Variants in SSBP4 observed in about 807,000 individuals in gnomAD.
SSBP4 encodes the protein single-stranded DNA-binding protein 4.
SSBP4 carries 33 observed loss-of-function variants against 64.6 expected under a neutral mutation model. That is an observed-to-expected ratio of 0.51 (90% CI 0.39 to 0.68). The LOEUF is 0.68. SSBP4 is among the 30% of genes least tolerant of loss of function. The pLI is 0.00. For synonymous variants in SSBP4, 243 were observed against 224.0 expected, an observed-to-expected ratio of 1.08 and a Z score of -0.76; for missense variants, 583 against 566.8, an observed-to-expected ratio of 1.03 and a Z score of -0.29.
intron 1 of SSBP4, among the ~76,000 whole-genome samples, chr19:18,424,006 G>A (rs539883180): frequency 2.5e-3 from 378 of 152,304 alleles, no homozygotes; most frequent in Non-Finnish European, 4.7e-3. Context: ...GGAGGACCTT[G>A]TAGGTCCCAA....
At chr19:18,409,683 T>A in the SSBP4 span, among the ~76,000 whole-genome samples, 1 of 152,056 alleles carries the variant, frequency 6.6e-6, no homozygotes, top group Non-Finnish European at 1.5e-5. Flanking sequence ...CACATCCAGC[T>A]AATTTTTTAT....
At position 18,433,594 on chromosome 19, in the gene SSBP4, A is replaced by C; in HGVS notation, c.1001A>C (p.Asp334Ala). 1 of 1,517,138 alleles carries C rather than the reference A, an allele frequency of 6.6e-7. No homozygotes were observed. The highest frequency in any genetic ancestry group is 8.8e-7 in the Non-Finnish European group (1 of 1,131,894). 94.0% of individuals were successfully genotyped at this position (1,517,138 alleles called of 1,614,324 possible). Reference protein sequence around the residue: ...HHVNGSLGSGDMDGLPKSSPG... With the variant: ...HHVNGSLGSGAMDGLPKSSPG... ...CTGTCCGTGTCTGTAGGCTCGGGCG[A>C]CATGGACGGGTTGCCGAAGGTAAGG... is the stretch of plus-strand genomic sequence containing the variant. The change falls in exon 16 of 18, where the codon GAC becomes GCC. Residue 334 changes from aspartate (D) to alanine (A), a missense_variant. Transcript: ENST00000270061.
At chr19:18,430,397 C>T (rs1356280868) in intron 4 of SSBP4, among the ~76,000 whole-genome samples, 1 of 152,202 alleles carries the variant, frequency 6.6e-6, no homozygotes, top group Admixed American at 6.5e-5. Flanking sequence ...GATGGGGACC[C>T]CACCCCAGAA....
Position 18,432,223 on chromosome 19 carries a change from C to T in SSBP4, c.704+9C>T, listed in dbSNP as rs781773057. On this transcript the variant is annotated intron_variant, in intron 10 of 17. Coordinates refer to ENST00000270061, the MANE Select transcript of SSBP4 (RefSeq NM_032627.5). ...CTGCCTGCCATGAACATGTAAGACC[C>T]TGGGGGATCCTAGGAGTGTGCAGTT... 3.1e-6 allele frequency: 5 copies of T among 1,612,496 alleles called. No homozygotes were observed. The East Asian group carries it at 1.1e-4, about 36-fold the overall frequency.
rs2144836578 is a variant in SSBP4, at chr19:18,434,274, G to A, written c.*28G>A. The A allele has an allele frequency of 1.2e-6, 2 of 1,609,228 alleles. No homozygotes were observed. The highest frequency in any genetic ancestry group is 1.1e-5 in the South Asian group (1 of 90,718). ...GGGCGGCAGCCCCGGGCCTCTCTGC[G>A]GGCCTAGGCTTCTGCCCAGCGCCCC... is the stretch of plus-strand genomic sequence containing the variant. On this transcript the variant is annotated 3_prime_UTR_variant, in exon 18 of 18. Coordinates refer to ENST00000270061, the MANE Select transcript of SSBP4 (RefSeq NM_032627.5).
At chr19:18,407,385 A>G in the SSBP4 span, among the ~76,000 whole-genome samples, 1 of 151,926 alleles carries the variant, frequency 6.6e-6, no homozygotes, top group Non-Finnish European at 1.5e-5. Context: ...TTAAGGTCAC[A>G]TGGCCTTGTT....
At chr19:18,405,821 C>T in the SSBP4 span, among the ~76,000 whole-genome samples, 2 of 152,252 alleles carry the variant, frequency 1.3e-5, no homozygotes, top group South Asian at 2.1e-4. Context: ...GAAACCCTGT[C>T]TCTACTAAAA....
chr19:18,430,106 T>C (rs1386143225), intron 4 of SSBP4, among the ~76,000 whole-genome samples: 1 of 151,892 alleles, frequency 6.6e-6, no homozygotes, highest in African/African-American at 2.4e-5. Context: ...CTTTTTGGGG[T>C]TTGGGGCTTG....
Position 18,426,392 on chromosome 19 carries a change from C to T in SSBP4, c.60-959C>T, listed in dbSNP as rs557340817. Reference sequence around the variant, plus strand: ...TTGAATCTAAGAGTCCCCCAACCCCCAGCAGACTCTCGTGGTCCCTAGCTG... The same window carrying T: ...TTGAATCTAAGAGTCCCCCAACCCCTAGCAGACTCTCGTGGTCCCTAGCTG... On this transcript the variant is annotated intron_variant, in intron 1 of 17. Transcript: ENST00000270061. This position sits in a 1 kb window ranked among gnomAD's most constrained non-coding sequence, Gnocchi z 4.5. 1.6e-4 allele frequency among the ~76,000 whole-genome samples: 24 copies of T among 152,322 alleles called. 1 individual carries two copies. The South Asian group carries it at 4.8e-3, about 30-fold the overall frequency.
Position 18,433,627 on chromosome 19 carries a change from G to A in SSBP4, c.1020+14G>A. The A allele has an allele frequency of 2.8e-6, 4 of 1,442,218 alleles. No homozygotes were observed. Among genetic ancestry groups the A allele is most frequent in the Admixed American group, 2.6e-5 (1 of 37,964 alleles). 89.3% of individuals were successfully genotyped at this position (1,442,218 alleles called of 1,614,324 possible). On this transcript the variant is annotated intron_variant, in intron 16 of 17. Coordinates refer to ENST00000270061, the MANE Select transcript of SSBP4 (RefSeq NM_032627.5). ...GGGTTGCCGAAGGTAAGGAGGCTGC[G>A]CTCTTGCCGGGGGTGGGATCCGGGG...
At chr19:18,420,438 T>TGGTGGGGCTGAGGTCTCTCGG (rs1972365096) in intron 1 of SSBP4, among the ~76,000 whole-genome samples, 1 of 151,424 alleles carries the variant, frequency 6.6e-6, no homozygotes, top group South Asian at 2.1e-4. Flanking sequence ...GGAAGGGTCG[T>TGGTGGGGCTGAGGTCTCTCGG]GGTGGGGCTG....
chr19:18,411,961 C>T, the SSBP4 span, among the ~76,000 whole-genome samples: 4 of 151,534 alleles, frequency 2.6e-5, no homozygotes, highest in Non-Finnish European at 4.4e-5. Context: ...GCCAGGAGTT[C>T]GAGACCAACC....
rs560282239 is a variant in SSBP4, at chr19:18,426,404, G to A, written c.60-947G>A. The stretch of plus-strand genomic sequence containing the variant: ...GTCCCCCAACCCCCAGCAGACTCTC[G>A]TGGTCCCTAGCTGGACAGTACAAGA... On this transcript the variant is annotated intron_variant, in intron 1 of 17. Coordinates refer to ENST00000270061, the MANE Select transcript of SSBP4 (RefSeq NM_032627.5). This position sits in a 1 kb window ranked among gnomAD's most constrained non-coding sequence, Gnocchi z 4.5. Among the ~76,000 whole-genome samples, 73 of 152,278 alleles carry A rather than the reference G, an allele frequency of 4.8e-4. No individual in the cohort carries two copies. In the East Asian group the frequency reaches 5.4e-3, roughly 11 times the overall value.
upstream of SSBP4, among the ~76,000 whole-genome samples, chr19:18,416,004 G>A (rs1972128470): frequency 6.6e-6 from 1 of 152,072 alleles, no homozygotes; most frequent in South Asian, 2.1e-4. Context: ...TGGCAACGGA[G>A]CTTCTTAGGT....
chr19:18,433,917 G>T, intron 17 of SSBP4, 100 bp downstream of exon 17: 2 of 1,257,154 alleles, frequency 1.6e-6, no homozygotes, highest in South Asian at 5.9e-5. Flanking sequence ...GCAAGACCGT[G>T]ACCGCGGCGG....
chr19:18,411,177 T>TA, the SSBP4 span, among the ~76,000 whole-genome samples: 1 of 151,540 alleles, frequency 6.6e-6, no homozygotes, highest in Non-Finnish European at 1.5e-5. Context: ...GGGCAATAAA[T>TA]ATGCAAAAAT....
the SSBP4 span, among the ~76,000 whole-genome samples, chr19:18,411,673 C>G: frequency 6.6e-6 from 1 of 152,078 alleles, no homozygotes; most frequent in Non-Finnish European, 1.5e-5. Flanking sequence ...TGCAAAGGCC[C>G]TGGGGTGGGA....
At chr19:18,431,261 C>T in intron 5 of SSBP4, 92 bp from the exon 6 acceptor site, 1 of 613,556 alleles carries the variant, frequency 1.6e-6, no homozygotes, top group Admixed American at 3.1e-5. Flanking sequence ...CACAGGCTGG[C>T]CCACCCCTCT....
At chr19:18,434,041 C>G (rs1229639512) in intron 17 of SSBP4, 176 bp from the exon 18 acceptor site, 8 of 1,286,310 alleles carry the variant, frequency 6.2e-6, no homozygotes, top group Non-Finnish European at 7.9e-6. Context: ...CACCCCGGGA[C>G]CCGCGCCCCA....
Sources: gnomAD v4.1 joint callset for allele counts (sites outside exome capture counted in the v4.1 genomes callset) on GRCh38, gnomAD v4.1.1 for gene constraint, Gnocchi (gnomAD v3.1) non-coding constraint, MANE v1.5 for transcripts, NCBI Gene and HGNC (gene_info 2026-07-23, HGNC 2026-07-21) for gene names.